The following TNN variants were observed in gnomAD, a reference collection of about 807,000 sequenced individuals.
The protein encoded by TNN is tenascin-N.
TNN carries 122 observed loss-of-function variants against 134.4 expected under a neutral mutation model. The ratio of observed to expected loss-of-function variants is 0.91; its 90% confidence interval spans 0.78 to 1.06. TNN has a LOEUF of 1.06. TNN is among the 50% of genes least tolerant of loss of function. The pLI, the probability that TNN is intolerant of heterozygous loss-of-function variation, is 0.00. For synonymous variants in TNN, 710 were observed against 670.3 expected, an observed-to-expected ratio of 1.06 and a Z score of -0.91; for missense variants, 1,739 against 1,699.4, an observed-to-expected ratio of 1.02 and a Z score of -0.41.
intron 17 of TNN, among the ~76,000 whole-genome samples, chr1:175,137,363 A>AGTGTGTGT (rs36158819): frequency 1.6e-5 from 1 of 62,678 alleles, no homozygotes; most frequent in Middle Eastern, 7.6e-3. Context: ...TCTGCACAGT[A>AGTGTGTGT]GTGTGTGTGT....
rs539497592 is a variant in TNN, at chr1:175,079,610, C to T, written c.687C>T (p.Ser229=). 1.9e-6 allele frequency: 3 copies of T among 1,598,964 alleles called. No individual in the cohort carries two copies. Among genetic ancestry groups the T allele is most frequent in the East Asian group, 2.3e-5 (1 of 44,038 alleles). ...AAGACTTCATGTCGGAGGACTGCAG[C>T]GAGAAGCGCTGTCCCGGCGACTGCA... is the stretch of plus-strand genomic sequence containing the variant. ...CHEDFMSEDC[S]EKRCPGDCSG... is the part of the protein sequence containing the mutation. The change falls in exon 3 of 19, where the codon AGC becomes AGT. Residue 229 remains serine, a synonymous_variant. Transcript: ENST00000239462.
chr1:175,109,072 ATTTTTTTTTTTTT>A lies in TNN; in HGVS notation c.2120-7852_2120-7840del, dbSNP rs1160268455. Reference sequence around the variant, plus strand: ...GAATGTATTTCTTCTATCTAACTGTATTTTTTTTTTTTTTTTTTTTTTTTTTTGAGACGGAGTC... The same window carrying A: ...GAATGTATTTCTTCTATCTAACTGTATTTTTTTTTTTTTTGAGACGGAGTC... On this transcript the variant is annotated intron_variant, in intron 9 of 18. Coordinates refer to ENST00000239462, the MANE Select transcript of TNN (RefSeq NM_022093.2). 7.4e-4 allele frequency among the ~76,000 whole-genome samples: 46 copies of A among 61,982 alleles called. 1 individual carries two copies. The highest frequency in any genetic ancestry group is 2.8e-3 in the African/African-American group (42 of 14,918). The allele number at this position is 61,982 out of a possible 152,430, so 40.7% of individuals were successfully genotyped here.
At chr1:175,077,245 T>G (rs1674061537) in intron 1 of TNN, 139 bp from the exon 2 acceptor site, 1 of 701,846 alleles carries the variant, frequency 1.4e-6, no homozygotes, top group Non-Finnish European at 2.4e-6. Flanking sequence ...AGTAATTTGG[T>G]TCGGATCCTT....
At position 175,123,664 on chromosome 1, in the gene TNN, G is replaced by A; in HGVS notation, c.2914+1G>A. On this transcript the variant is annotated splice_donor_variant, in intron 12 of 18. Coordinates refer to ENST00000239462, the MANE Select transcript of TNN (RefSeq NM_022093.2). LOFTEE classifies it high-confidence loss of function. The stretch of plus-strand genomic sequence containing the variant: ...AAGGCTGACACCAAGGCCCAGACAG[G>A]TACTGAGAGGGACCAGGCCAGGGGA... 6.2e-7 allele frequency: 1 copy of A among 1,614,030 alleles called. No homozygotes were observed. The highest frequency in any genetic ancestry group is 2.2e-5 in the East Asian group (1 of 44,892).
Position 175,123,496 on chromosome 1 carries a change from T to C in TNN, c.2747T>C (p.Met916Thr). 1 of 1,614,194 alleles carries C rather than the reference T, an allele frequency of 6.2e-7. No homozygotes were observed. The highest frequency in any genetic ancestry group is 8.5e-7 in the Non-Finnish European group (1 of 1,180,040). The stretch of plus-strand genomic sequence containing the variant: ...GTTCAGGCCACCATTGACAAGTACA[T>C]GGTGCGCTACACCTCTGCTGACGGA... ...DPVQATIDKY[M>T]VRYTSADGET... Residue 916 changes from methionine to threonine, a missense_variant, in exon 12 of 19, where the codon ATG (methionine) becomes ACG (threonine). Coordinates refer to ENST00000239462, the MANE Select transcript of TNN (RefSeq NM_022093.2).
chr1:175,073,172 T>C (rs6695588), intron 1 of TNN, among the ~76,000 whole-genome samples: 87,559 of 151,764 alleles, frequency 0.58, 26,560 homozygotes, highest in African/African-American at 0.79. Flanking sequence ...GGCAGAAGTG[T>C]ATAGGGATTA....
rs1299603495 is a variant in TNN at position 175,117,065 on chromosome 1, A to G, written c.2246A>G (p.Glu749Gly). 1 of 1,614,238 alleles carries G rather than the reference A, an allele frequency of 6.2e-7. No individual in the cohort carries two copies. The highest frequency in any genetic ancestry group is 2.2e-5 in the East Asian group (1 of 44,884). Residue 749 changes from glutamate to glycine, a missense_variant, in exon 10 of 19, where the codon GAG becomes GGG. Coordinates refer to ENST00000239462, the MANE Select transcript of TNN (RefSeq NM_022093.2). ...CGCTACACCTCTGCCAAGGACGGAG[A>G]GACCAGGGAGGTTCCGGTGGGGAAG... ...VVRYTSAKDG[E>G]TREVPVGKEQ...
intron 15 of TNN, among the ~76,000 whole-genome samples, chr1:175,135,567 T>G (rs1675779035): frequency 6.6e-6 from 1 of 152,206 alleles, no homozygotes; most frequent in African/African-American, 2.4e-5. Context: ...CACTAGCAAC[T>G]GAATCACACA....
intron 1 of TNN, among the ~76,000 whole-genome samples, chr1:175,074,493 A>G (rs1255922910): frequency 3.3e-5 from 1 of 29,936 alleles, no homozygotes. Flanking sequence ...TGAAAAAAAA[A>G]AAAAAAAAAA....
Position 175,112,823 on chromosome 1 carries a change from T to C in TNN, c.2120-4116T>C, listed in dbSNP as rs1483155800. ...TTTTAGTAGAGACAGGGTTTCACCA[T>C]GTTGGCTAGGCTGGTCTCAAACTCC... On this transcript the variant is annotated intron_variant, in intron 9 of 18. Transcript: ENST00000239462. Among the ~76,000 whole-genome samples the C allele has an allele frequency of 4.6e-5, 7 of 151,748 alleles. No homozygotes were observed. The East Asian group carries it at 1.4e-3, about 29-fold the overall frequency.
intron 2 of TNN, among the ~76,000 whole-genome samples, chr1:175,078,994 A>G (rs1674121925): frequency 6.6e-6 from 1 of 152,134 alleles, no homozygotes; most frequent in Non-Finnish European, 1.5e-5. Flanking sequence ...GAAGGCACTA[A>G]ATAATGACCA....
chr1:175,081,774 G>T lies in TNN; in HGVS notation c.1048+1348G>T, dbSNP rs1674203064. 1.3e-5 allele frequency among the ~76,000 whole-genome samples: 2 copies of T among 152,220 alleles called. 1 individual carries two copies. The highest frequency in any genetic ancestry group is 1.3e-4 in the Admixed American group (2 of 15,282). On this transcript the variant is annotated intron_variant, in intron 4 of 18. Coordinates refer to ENST00000239462, the MANE Select transcript of TNN (RefSeq NM_022093.2). Reference sequence around the variant, plus strand: ...GAGGTATCTCAGTAAGACAGCGTTAGAAAGGACTGGTTAGAGAATCTGGGC... The same window carrying T: ...GAGGTATCTCAGTAAGACAGCGTTATAAAGGACTGGTTAGAGAATCTGGGC...
intron 6 of TNN, among the ~76,000 whole-genome samples, chr1:175,093,687 TTCTC>T (rs933912273): frequency 3.3e-5 from 5 of 152,280 alleles, no homozygotes; most frequent in African/African-American, 1.2e-4. Context: ...ATTAGATGTA[TTCTC>T]TCTGTCTACC....
chr1:175,095,100 A>G (rs2149431995), intron 7 of TNN, among the ~76,000 whole-genome samples: 1 of 152,340 alleles, frequency 6.6e-6, no homozygotes, highest in Admixed American at 6.5e-5. Flanking sequence ...TTATGGCACA[A>G]GTGAGAGCAA....
intron 9 of TNN, among the ~76,000 whole-genome samples, chr1:175,115,938 G>A (rs961968495): frequency 6.6e-6 from 1 of 152,184 alleles, no homozygotes. Flanking sequence ...GCAATGGGGT[G>A]GTGGGGTCCC....
rs147213587 is a variant in TNN, at chr1:175,096,237, G to A, written c.1589-1180G>A. 6.4e-3 allele frequency among the ~76,000 whole-genome samples: 970 copies of A among 152,332 alleles called. 7 individuals are homozygous for A. The highest frequency in any genetic ancestry group is 0.011 in the Non-Finnish European group (750 of 68,034). On this transcript the variant is annotated intron_variant, in intron 7 of 18. Coordinates refer to ENST00000239462, the MANE Select transcript of TNN (RefSeq NM_022093.2). ...CTGAACAAAGCCTGGAAGGACGGGT[G>A]GGAGTTAGCAGTGGAGGCAGCATAT...
intron 6 of TNN, among the ~76,000 whole-genome samples, chr1:175,087,324 C>A (rs935883681): frequency 6.6e-6 from 1 of 152,088 alleles, no homozygotes; most frequent in African/African-American, 2.4e-5. Flanking sequence ...GAGCAGGTAG[C>A]GGGATAGTCA....
intron 9 of TNN, among the ~76,000 whole-genome samples, chr1:175,099,493 C>T (rs1191187984): frequency 1.5e-5 from 2 of 135,988 alleles, no homozygotes; most frequent in African/African-American, 5.7e-5. Context: ...AGAGATGAGG[C>T]ATCAGGAGGA....
chr1:175,134,598 C>A (rs750520533), intron 15 of TNN, among the ~76,000 whole-genome samples: 3 of 152,018 alleles, frequency 2.0e-5, no homozygotes, highest in Admixed American at 6.5e-5. Context: ...CAATAAACTA[C>A]CACCTGTCCT....
Sources: allele counts gnomAD v4.1 joint callset (sites outside exome capture counted in the v4.1 genomes callset), GRCh38; gene constraint gnomAD v4.1.1; transcripts MANE v1.5; gene names NCBI Gene and HGNC (gene_info 2026-07-23, HGNC 2026-07-21).